The following CHST11 variants were observed in gnomAD, a reference collection of about 807,000 sequenced individuals.
CHST11 encodes the protein carbohydrate sulfotransferase 11, also known as C4S-1.
In CHST11, 9 loss-of-function variants were observed where a neutral mutation model predicts 30.4. That is an observed-to-expected ratio of 0.30 (90% CI 0.18 to 0.52). The LOEUF is 0.52. Among genes scored for constraint, CHST11 ranks in the 20% least tolerant of loss-of-function variants. The pLI, the probability that CHST11 is intolerant of heterozygous loss-of-function variation, is 0.97. For missense variants in CHST11, 348 were observed against 460.6 expected (o/e 0.76, Z 2.24); for synonymous variants, 152 against 187.8 (o/e 0.81, Z 1.56).
chr12:104,558,828 C>T lies in CHST11; in HGVS notation c.119-43078C>T, dbSNP rs184004047. Among the ~76,000 whole-genome samples the T allele has an allele frequency of 5.0e-3, 764 of 152,134 alleles. 7 individuals are homozygous for T. The highest frequency in any genetic ancestry group is 0.017 in the African/African-American group (693 of 41,472). On this transcript the variant is annotated intron_variant, in intron 1 of 2. Transcript: ENST00000303694. Reference sequence around the variant, plus strand: ...TGCTGGGATTACAGGCTTGAGTCACCGCACCTGGCCTAGAAATTTTTAATT... The same window carrying T: ...TGCTGGGATTACAGGCTTGAGTCACTGCACCTGGCCTAGAAATTTTTAATT...
At chr12:104,686,944 G>A (rs181791069) in intron 2 of CHST11, among the ~76,000 whole-genome samples, 55 of 152,288 alleles carry the variant, frequency 3.6e-4, no homozygotes, top group Middle Eastern at 6.8e-3. Flanking sequence ...CACCACACCT[G>A]GCCATTCTTG....
chr12:104,579,069 T>C (rs1488292402), intron 1 of CHST11, among the ~76,000 whole-genome samples: 1 of 152,200 alleles, frequency 6.6e-6, no homozygotes, highest in Non-Finnish European at 1.5e-5. Flanking sequence ...TCAAAGGGCT[T>C]GGTTACATGC....
intron 1 of CHST11, among the ~76,000 whole-genome samples, chr12:104,474,367 G>C (rs925125096): frequency 6.6e-6 from 1 of 152,132 alleles, no homozygotes; most frequent in Admixed American, 6.5e-5. Context: ...TCATCCGAAC[G>C]ACAATTATGT....
At chr12:104,543,645 G>C (rs932557987) in intron 1 of CHST11, among the ~76,000 whole-genome samples, 2 of 152,120 alleles carry the variant, frequency 1.3e-5, no homozygotes, top group African/African-American at 4.8e-5. Flanking sequence ...GTTGGATCCT[G>C]CCTGATGTAC....
At chr12:104,556,095 A>AC (rs1316357309) in intron 1 of CHST11, among the ~76,000 whole-genome samples, 1 of 150,588 alleles carries the variant, frequency 6.6e-6, no homozygotes, top group African/African-American at 2.5e-5. Context: ...GACCAGAAAG[A>AC]CCCCCCTCCG....
chr12:104,717,825 C>T (rs1296837444), intron 2 of CHST11, among the ~76,000 whole-genome samples: 1 of 151,812 alleles, frequency 6.6e-6, no homozygotes, highest in East Asian at 1.9e-4. Context: ...TGGTGGGCGC[C>T]TGTAATCCCA....
chr12:104,480,115 G>C (rs1439222865), intron 1 of CHST11, among the ~76,000 whole-genome samples: 1 of 152,154 alleles, frequency 6.6e-6, no homozygotes, highest in Admixed American at 6.5e-5. Flanking sequence ...TACTTTAGTT[G>C]GTCAGTGCTC....
At chr12:104,708,931 G>A (rs937210933) in intron 2 of CHST11, among the ~76,000 whole-genome samples, 7 of 152,150 alleles carry the variant, frequency 4.6e-5, no homozygotes, top group African/African-American at 1.7e-4. Flanking sequence ...GTGGCCTTAC[G>A]GAGAGGAGAT....
rs1166073504 is a variant in CHST11 at position 104,757,440 on chromosome 12, G to C, written c.696G>C (p.Gly232=). 6.2e-7 allele frequency: 1 copy of C among 1,613,850 alleles called. No homozygotes were observed. The highest frequency in any genetic ancestry group is 8.5e-7 in the Non-Finnish European group (1 of 1,180,014). ...KNATQEALRK[G]DDVKFEEFVA... ...CCACCCAGGAGGCCCTGCGCAAAGG[G>C]GACGATGTCAAATTCGAGGAGTTTG... The change falls in exon 3 of 3, where the codon GGG becomes GGC. Residue 232 remains glycine, a synonymous_variant. Transcript: ENST00000303694. This position sits in a 1 kb window ranked among gnomAD's most constrained non-coding sequence, Gnocchi z 6.5.
intron 1 of CHST11, among the ~76,000 whole-genome samples, chr12:104,472,577 A>G (rs2037521419): frequency 6.6e-6 from 1 of 152,224 alleles, no homozygotes; most frequent in South Asian, 2.1e-4. Context: ...GAGACTCAGA[A>G]GGATTTAGGG....
At chr12:104,510,660 A>G (rs191021382) in intron 1 of CHST11, among the ~76,000 whole-genome samples, 1 of 152,374 alleles carries the variant, frequency 6.6e-6, no homozygotes, top group African/African-American at 2.4e-5. Context: ...CATGTCTTTC[A>G]TAATCAATAC....
intron 2 of CHST11, among the ~76,000 whole-genome samples, chr12:104,635,093 C>A (rs866968837): frequency 1.4e-5 from 2 of 147,370 alleles, no homozygotes; most frequent in African/African-American, 4.9e-5. Context: ...GTCCTGCCCC[C>A]GTACCCAGCT....
intron 1 of CHST11, among the ~76,000 whole-genome samples, chr12:104,544,823 A>G (rs2038330499): frequency 7.4e-6 from 1 of 134,880 alleles, no homozygotes; most frequent in Admixed American, 9.3e-5. Flanking sequence ...TTTTCAAAAT[A>G]ATACTAAAGT....
intron 1 of CHST11, among the ~76,000 whole-genome samples, chr12:104,596,444 C>G (rs563001167): frequency 6.6e-6 from 1 of 152,092 alleles, no homozygotes; most frequent in Non-Finnish European, 1.5e-5. Flanking sequence ...TGCTTCATTT[C>G]GAAATGTTGA....
intron 2 of CHST11, among the ~76,000 whole-genome samples, chr12:104,707,843 T>C (rs1263026068): frequency 1.3e-5 from 2 of 152,070 alleles, no homozygotes; most frequent in African/African-American, 4.8e-5. Context: ...CATCCATACA[T>C]TCAAACACAC....
chr12:104,573,881 CCTT>C (rs1287618975), intron 1 of CHST11, among the ~76,000 whole-genome samples: 8 of 152,100 alleles, frequency 5.3e-5, no homozygotes, highest in African/African-American at 1.4e-4. Context: ...AAACTAAAGA[CCTT>C]CTGCACAGCA....
Position 104,711,673 on chromosome 12 carries a change from G to C in CHST11, c.205-45276G>C, listed in dbSNP as rs561482121. On this transcript the variant is annotated intron_variant, in intron 2 of 2. Transcript: ENST00000303694. Reference sequence around the variant, plus strand: ...TAAAAGGGCCTGAGAGGGTGAAGTAGAGGTGACAGCCAGATTCTTTAAAGA... The same window carrying C: ...TAAAAGGGCCTGAGAGGGTGAAGTACAGGTGACAGCCAGATTCTTTAAAGA... Among the ~76,000 whole-genome samples, 10 of 152,150 alleles carry C rather than the reference G, an allele frequency of 6.6e-5. No homozygotes were observed. In the South Asian group the frequency reaches 2.1e-3, roughly 32 times the overall value.
intron 1 of CHST11, among the ~76,000 whole-genome samples, chr12:104,548,787 C>T (rs932073451): frequency 1.3e-5 from 2 of 152,200 alleles, no homozygotes; most frequent in Non-Finnish European, 2.9e-5. Context: ...TGAACGCAGG[C>T]AGGCAACTGT....
intron 2 of CHST11, among the ~76,000 whole-genome samples, chr12:104,710,720 A>G (rs921986492): frequency 9.1e-4 from 139 of 152,334 alleles, no homozygotes; most frequent in African/African-American, 3.2e-3. Context: ...GTAAGGGCAC[A>G]TATATTAGGC....
Sources: allele counts gnomAD v4.1 joint callset (sites outside exome capture counted in the v4.1 genomes callset), GRCh38; gene constraint gnomAD v4.1.1; non-coding constraint Gnocchi (gnomAD v3.1); transcripts MANE v1.5; gene names NCBI Gene and HGNC (gene_info 2026-07-23, HGNC 2026-07-21).